METTL21A: variants seen among roughly 807,000 people sequenced by gnomAD.
The protein encoded by METTL21A is methyltransferase 21A, HSPA lysine.
A neutral mutation model predicts 20.9 loss-of-function variants in METTL21A; 22 were observed. That is an observed-to-expected ratio of 1.05 (90% CI 0.75 to 1.50). The LOEUF (loss-of-function observed/expected upper bound fraction) is 1.50, where lower values mean the gene tolerates loss of function less well. METTL21A is among the 40% of genes most tolerant of loss of function. The pLI is 0.00. For synonymous variants in METTL21A, 93 were observed against 102.0 expected, an observed-to-expected ratio of 0.91 and a Z score of 0.53; for missense variants, 271 against 266.8, an observed-to-expected ratio of 1.02 and a Z score of -0.11.
chr2:207,601,180 G>A (rs753914470), intron 3 of METTL21A: 16 of 185,236 alleles, frequency 8.6e-5, no homozygotes, highest in Non-Finnish European at 1.6e-4. Context: ...TTTCCCTCAT[G>A]GACCCAATAG....
Position 207,613,107 on chromosome 2 carries a change from T to C in METTL21A, c.596A>G (p.Asp199Gly), listed in dbSNP as rs1575116063. 3 of 1,605,932 alleles carry C rather than the reference T, an allele frequency of 1.9e-6. No individual in the cohort carries two copies. In the East Asian group the frequency reaches 6.7e-5, roughly 36 times the overall value. ...GTAAATATGTACATCTTTTTCAGGA[T>C]CGTAGTGAACCTTTCTCACAGTAAA... The change falls in exon 4 of 4, where the codon GAT (aspartate) becomes GGT (glycine). Residue 199 changes from aspartate to glycine, a missense_variant. Physicochemically the swap from Asp to Gly is moderately conservative, Grantham distance 94. Coordinates refer to ENST00000406927, the Ensembl canonical transcript of METTL21A.
intron 3 of METTL21A, among the ~76,000 whole-genome samples, chr2:207,615,241 G>A (rs1418491504): frequency 1.3e-5 from 2 of 152,108 alleles, no homozygotes; most frequent in African/African-American, 2.4e-5. Context: ...GGAGGTCGAG[G>A]CAGGAGCATC....
At chr2:207,586,963 CA>C (rs1420289028) in intron 3 of METTL21A, among the ~76,000 whole-genome samples, 1 of 152,036 alleles carries the variant, frequency 6.6e-6, no homozygotes, top group Non-Finnish European at 1.5e-5. Context: ...TGGCTATAAT[CA>C]AAAAGACAAG....
At chr2:207,596,494 C>T (rs1023761484) in intron 3 of METTL21A, among the ~76,000 whole-genome samples, 4 of 152,296 alleles carry the variant, frequency 2.6e-5, no homozygotes, top group African/African-American at 4.8e-5. Context: ...AGTGCAGTGG[C>T]GCAATCTCAG....
intron 3 of METTL21A, among the ~76,000 whole-genome samples, chr2:207,595,707 G>A (rs2086010064): frequency 6.6e-6 from 1 of 152,182 alleles, no homozygotes; most frequent in Admixed American, 6.5e-5. Flanking sequence ...TGGGACTACA[G>A]GCATGTGCCA....
intron 3 of METTL21A, chr2:207,602,816 G>A (rs2087319031): frequency 9.2e-6 from 2 of 218,390 alleles, no homozygotes; most frequent in Non-Finnish European, 1.8e-5. Flanking sequence ...GGGTGGCAAA[G>A]AAGAGTGCTA....
Position 207,598,189 on chromosome 2 carries a change from TA to T in METTL21A, c.260-16030del, listed in dbSNP as rs1322361363. On this transcript the variant is annotated intron_variant, in intron 3 of 3. Transcript: ENST00000425132. The stretch of plus-strand genomic sequence containing the variant: ...TTAAATGAAAGAAGTTGTAAGGATA[TA>T]AAAAGTACAGTGTTAGATGTGCACA... 4.4e-5 allele frequency: 8 copies of T among 182,132 alleles called. No individual in the cohort carries two copies. In the East Asian group the frequency reaches 7.2e-4, roughly 16 times the overall value. The allele number at this position is 182,132 out of a possible 1,614,324, so 11.3% of individuals were successfully genotyped here. A position where few individuals can be genotyped will look rare whatever the true frequency, so the allele number is the denominator to read the frequency against.
chr2:207,606,709 A>G (rs1360123386), downstream of METTL21A, among the ~76,000 whole-genome samples: 1 of 152,192 alleles, frequency 6.6e-6, no homozygotes, highest in Non-Finnish European at 1.5e-5. Context: ...AACACAAATT[A>G]CAAGTCTGTT....
intron 2 of METTL21A, among the ~76,000 whole-genome samples, chr2:207,622,727 C>T (rs2090644658): frequency 6.6e-6 from 1 of 152,108 alleles, no homozygotes; most frequent in Non-Finnish European, 1.5e-5. Flanking sequence ...AAGTTTTGGC[C>T]AAAGTTTTGG....
intron 3 of METTL21A, among the ~76,000 whole-genome samples, chr2:207,595,598 T>G (rs2106636782): frequency 6.6e-6 from 1 of 152,098 alleles, no homozygotes; most frequent in South Asian, 2.1e-4. Flanking sequence ...GTTCTTGGTT[T>G]GTCACCCAGG....
chr2:207,592,492 C>A (rs2085245770), intron 3 of METTL21A, among the ~76,000 whole-genome samples: 1 of 152,120 alleles, frequency 6.6e-6, no homozygotes, highest in Non-Finnish European at 1.5e-5. Context: ...TCCTTTTCTT[C>A]CTCTGCCTCT....
intron 3 of METTL21A, 65 bp from the exon 4 acceptor site, chr2:207,613,508 G>A: frequency 6.9e-7 from 1 of 1,440,480 alleles, no homozygotes; most frequent in Non-Finnish European, 9.3e-7. Context: ...TAGAGAGGGG[G>A]TCAAGTTAAA....
At chr2:207,596,570 A>T (rs2086207977) in intron 3 of METTL21A, among the ~76,000 whole-genome samples, 2 of 152,148 alleles carry the variant, frequency 1.3e-5, no homozygotes, top group South Asian at 2.1e-4. Context: ...AGTAGCTGGG[A>T]CTACAGGCAT....
At chr2:207,616,563 G>A (rs1287816124) in intron 3 of METTL21A, among the ~76,000 whole-genome samples, 1 of 152,140 alleles carries the variant, frequency 6.6e-6, no homozygotes, top group Non-Finnish European at 1.5e-5. Context: ...CAGAATATCC[G>A]GCTGGGTGCG....
chr2:207,620,597 T>C, intron 3 of METTL21A: 1 of 1,412,646 alleles, frequency 7.1e-7, no homozygotes, highest in Non-Finnish European at 9.4e-7. Context: ...AAAATGAAAA[T>C]TAAAAATAAT....
At chr2:207,623,185 T>C (rs1274480625) in intron 2 of METTL21A, among the ~76,000 whole-genome samples, 2 of 152,230 alleles carry the variant, frequency 1.3e-5, no homozygotes, top group Non-Finnish European at 2.9e-5. Context: ...ATTACAGGTG[T>C]GAGCCACCAC....
chr2:207,606,559 T>C (rs1047209642), downstream of METTL21A, among the ~76,000 whole-genome samples: 4 of 152,192 alleles, frequency 2.6e-5, no homozygotes, highest in African/African-American at 9.7e-5. Context: ...AGTGCTAAGA[T>C]AGTACAAGTT....
At chr2:207,602,123 C>G (rs1489056037) in intron 3 of METTL21A, 4 of 202,276 alleles carry the variant, frequency 2.0e-5, no homozygotes, top group African/African-American at 9.2e-5. Context: ...TAGCTTAAGC[C>G]TTTGTATGTG....
At chr2:207,602,182 G>A (rs1194897517) in intron 3 of METTL21A, 1 of 192,610 alleles carries the variant, frequency 5.2e-6, no homozygotes, top group African/African-American at 2.3e-5. Context: ...ACGTTTGAAT[G>A]GAGGGATTAT....
Sources: allele counts gnomAD v4.1 joint callset (sites outside exome capture counted in the v4.1 genomes callset), GRCh38; gene constraint gnomAD v4.1.1; transcripts MANE v1.5; gene names NCBI Gene and HGNC (gene_info 2026-07-23, HGNC 2026-07-21).